LCMT1: variants seen among roughly 807,000 people sequenced by gnomAD.
The protein encoded by LCMT1 is [Phosphatase 2A protein]-leucine-carboxy methyltransferase 1.
LCMT1 carries 32 observed loss-of-function variants against 47.7 expected under a neutral mutation model. The observed-to-expected ratio is 0.67, with a 90% CI of 0.51 to 0.90. The LOEUF is 0.90. Among genes scored for constraint, LCMT1 ranks in the 40% least tolerant of loss-of-function variants. The pLI is 0.00. For synonymous variants in LCMT1, 152 were observed against 149.7 expected, an observed-to-expected ratio of 1.02 and a Z score of -0.11; for missense variants, 375 against 415.2, an observed-to-expected ratio of 0.90 and a Z score of 0.84.
intron 7 of LCMT1, among the ~76,000 whole-genome samples, chr16:25,165,995 C>T (rs181325455): frequency 2.0e-3 from 309 of 151,778 alleles, no homozygotes; most frequent in South Asian, 5.5e-3. Flanking sequence ...TGGGTGGGTG[C>T]GGTGGCTCAC....
intron 3 of LCMT1, among the ~76,000 whole-genome samples, chr16:25,132,858 C>CTTTTTTTTTTTTTTTTTTTT (rs34311865): frequency 7.1e-6 from 1 of 140,610 alleles, no homozygotes; most frequent in African/African-American, 2.7e-5. Context: ...GCATTTGTAA[C>CTTTTTTTTTTTTTTTTTTTT]TTTTTTTTTT....
At chr16:25,176,445 C>A (rs1961941472) in intron 10 of LCMT1, among the ~76,000 whole-genome samples, 1 of 151,932 alleles carries the variant, frequency 6.6e-6, no homozygotes, top group African/African-American at 2.4e-5. Flanking sequence ...GATAATCAGC[C>A]CCTTTGGACC....
chr16:25,154,488 T>C (rs1227768390), intron 5 of LCMT1, among the ~76,000 whole-genome samples: 3 of 149,006 alleles, frequency 2.0e-5, no homozygotes, highest in Admixed American at 6.7e-5. Context: ...ATGGATGTGT[T>C]CTTTTTTTTT....
intron 3 of LCMT1, among the ~76,000 whole-genome samples, chr16:25,133,924 T>C (rs1449222012): frequency 6.6e-6 from 1 of 150,534 alleles, no homozygotes; most frequent in Admixed American, 6.6e-5. Flanking sequence ...CCTAGCTACA[T>C]GGGAGGCTGA....
intron 5 of LCMT1, among the ~76,000 whole-genome samples, chr16:25,158,434 C>T (rs1313540923): frequency 1.3e-5 from 2 of 152,204 alleles, no homozygotes; most frequent in South Asian, 2.1e-4. Flanking sequence ...TGCGCCCGGC[C>T]GGTCTGTTTC....
chr16:25,112,118 C>T (rs1715446639), intron 1 of LCMT1, 122 bp downstream of exon 1: 1 of 722,220 alleles, frequency 1.4e-6, no homozygotes, highest in African/African-American at 1.7e-5. Context: ...TCGCACGACC[C>T]TCGCTTCCCA....
intron 2 of LCMT1, among the ~76,000 whole-genome samples, chr16:25,129,220 A>T (rs753592124): frequency 6.6e-6 from 1 of 151,830 alleles, no homozygotes; most frequent in African/African-American, 2.4e-5. Context: ...TGGGGAAATA[A>T]GCATATATAT....
Position 25,113,140 on chromosome 16 carries a change from CAAAAAAA to C in LCMT1, c.113+1158_113+1164del, listed in dbSNP as rs59940814. Among the ~76,000 whole-genome samples, 56 of 109,058 alleles carry C rather than the reference CAAAAAAA, an allele frequency of 5.1e-4. 1 individual carries two copies. Among genetic ancestry groups the C allele is most frequent in the African/African-American group, 2.0e-3 (55 of 27,670 alleles). 71.5% of individuals were successfully genotyped at this position (109,058 alleles called of 152,430 possible). A position where few individuals can be genotyped will look rare whatever the true frequency, so the allele number is the denominator to read the frequency against. ...TGGATGAGAGTGCGAGACTATGTCT[CAAAAAAA>C]AAAAAAAAAAAAAGTGAGAAGAAAA... On this transcript the variant is annotated intron_variant, in intron 1 of 10. Coordinates refer to ENST00000399069, the MANE Select transcript of LCMT1 (RefSeq NM_016309.3).
rs575152560 is a variant in LCMT1 at position 25,153,715 on chromosome 16, G to T, written c.466+2100G>T. ...CGCCTGTAATCCCAGCATTTTGGGA[G>T]GCCGAGGCGGGTGGATCACCTGAGG... On this transcript the variant is annotated intron_variant, in intron 5 of 10. Transcript: ENST00000399069. 5.9e-5 allele frequency among the ~76,000 whole-genome samples: 9 copies of T among 152,168 alleles called. No homozygotes were observed. In the East Asian group the frequency reaches 1.6e-3, roughly 26 times the overall value.
At chr16:25,161,347 C>A in intron 6 of LCMT1, 143 bp downstream of exon 6, 1 of 493,452 alleles carries the variant, frequency 2.0e-6, no homozygotes, top group Non-Finnish European at 3.5e-6. Context: ...ACCTAGTTTT[C>A]TGAAAAAAAT....
intron 2 of LCMT1, among the ~76,000 whole-genome samples, chr16:25,130,339 CAAAAA>C (rs58937394): frequency 3.9e-5 from 5 of 128,988 alleles, no homozygotes; most frequent in Non-Finnish European, 3.2e-5. Context: ...TACTCCATCT[CAAAAA>C]AAAAAAAAAA....
At position 25,111,807 on chromosome 16, in the gene LCMT1, C is replaced by T. The variant is rs975690284; in HGVS notation, c.-77C>T. On this transcript the variant is annotated 5_prime_UTR_variant, in exon 1 of 11. Coordinates refer to ENST00000399069, the MANE Select transcript of LCMT1 (RefSeq NM_016309.3). The stretch of plus-strand genomic sequence containing the variant: ...CTCTTCTGTTGCTTTCTCCCTGTGG[C>T]TCGCGCCGTCCCCCGCCGCCCGTCG... The T allele has an allele frequency of 5.1e-6, 5 of 978,236 alleles. No individual in the cohort carries two copies. Among genetic ancestry groups the T allele is most frequent in the African/African-American group, 3.2e-5 (2 of 62,080 alleles). 60.6% of individuals were successfully genotyped at this position (978,236 alleles called of 1,614,324 possible). A position where few individuals can be genotyped will look rare whatever the true frequency, so the allele number is the denominator to read the frequency against.
chr16:25,122,241 G>C (rs187825933), intron 1 of LCMT1, among the ~76,000 whole-genome samples: 1 of 152,254 alleles, frequency 6.6e-6, no homozygotes, highest in Admixed American at 6.5e-5. Flanking sequence ...CACTCATGAG[G>C]CTGAGCACTT....
At chr16:25,127,781 C>A (rs773080102) in intron 1 of LCMT1, among the ~76,000 whole-genome samples, 1 of 152,196 alleles carries the variant, frequency 6.6e-6, no homozygotes, top group African/African-American at 2.4e-5. Context: ...GCATGGCCTT[C>A]GGGATCCCGC....
chr16:25,118,038 G>A (rs1453801316), intron 1 of LCMT1, among the ~76,000 whole-genome samples: 3 of 151,930 alleles, frequency 2.0e-5, no homozygotes, highest in Non-Finnish European at 2.9e-5. Context: ...CTGAACTATG[G>A]TACTAGTCTC....
intron 10 of LCMT1, among the ~76,000 whole-genome samples, chr16:25,177,226 C>T (rs1363413839): frequency 1.3e-5 from 2 of 151,948 alleles, no homozygotes; most frequent in East Asian, 3.9e-4. Flanking sequence ...ATGTTATCCT[C>T]CTCTTAATTA....
intron 1 of LCMT1, among the ~76,000 whole-genome samples, chr16:25,122,298 CTGATGA>C (rs57704583): frequency 1.3e-5 from 2 of 151,418 alleles, no homozygotes; most frequent in South Asian, 2.1e-4. Flanking sequence ...ATCCTCTCTC[CTGATGA>C]TGATGATGAT....
chr16:25,132,269 C>A, intron 2 of LCMT1, 133 bp from the exon 3 acceptor site: 1 of 1,092,348 alleles, frequency 9.2e-7, no homozygotes, highest in Non-Finnish European at 1.3e-6. Context: ...CCCATAGAGT[C>A]TGCAGATTAA....
intron 5 of LCMT1, among the ~76,000 whole-genome samples, chr16:25,160,028 T>C (rs1961374372): frequency 6.6e-6 from 1 of 151,582 alleles, no homozygotes; most frequent in Non-Finnish European, 1.5e-5. Flanking sequence ...TGCAGTGGCA[T>C]GATCTCGGCT....
Sources: allele counts gnomAD v4.1 joint callset (sites outside exome capture counted in the v4.1 genomes callset), GRCh38; gene constraint gnomAD v4.1.1; transcripts MANE v1.5; gene names NCBI Gene and HGNC (gene_info 2026-07-23, HGNC 2026-07-21).